NEXMIF: variants seen among roughly 807,000 people sequenced by gnomAD.
The protein encoded by NEXMIF is XLMR protein related to neurite extension.
NEXMIF carries 8 observed loss-of-function variants against 62.1 expected under a neutral mutation model. The ratio of observed to expected loss-of-function variants is 0.13; its 90% confidence interval spans 0.08 to 0.23. NEXMIF has a LOEUF of 0.23. Among genes scored for constraint, NEXMIF ranks in the 10% least tolerant of loss-of-function variants. The pLI, the probability that NEXMIF is intolerant of heterozygous loss-of-function variation, is 1.00. For synonymous variants in NEXMIF, 404 were observed against 416.6 expected (o/e 0.97, Z 0.37); for missense variants, 976 against 1,113.3 (o/e 0.88, Z 1.75).
chrX:74,745,111 A>G (rs191121105), intron 2 of NEXMIF, among the ~76,000 whole-genome samples: 1,494 of 109,843 alleles, frequency 0.014, 16 homozygotes, highest in Middle Eastern at 0.028. Context: ...CCTCCCGAGT[A>G]GCTGGGATTA....
chrX:74,893,901 T>C (rs944416917), intron 1 of NEXMIF, among the ~76,000 whole-genome samples: 4 of 111,936 alleles, frequency 3.6e-5, no homozygotes, highest in Non-Finnish European at 5.6e-5. Flanking sequence ...TGAATAATCC[T>C]TTTGTGGGTG....
At chrX:74,876,570 T>G (rs1228358410) in intron 1 of NEXMIF, among the ~76,000 whole-genome samples, 2 of 104,563 alleles carry the variant, frequency 1.9e-5, no homozygotes, top group African/African-American at 7.0e-5. Context: ...CTCGTTGATC[T>G]GTCTAATGTT....
intron 1 of NEXMIF, among the ~76,000 whole-genome samples, chrX:74,791,834 C>T (rs1380286350): frequency 9.0e-6 from 1 of 110,845 alleles, no homozygotes; most frequent in Non-Finnish European, 1.9e-5. Context: ...TCCCCTTTAT[C>T]ATTTTTTATT....
intron 2 of NEXMIF, among the ~76,000 whole-genome samples, chrX:74,745,208 C>T (rs1294764817): frequency 1.8e-5 from 2 of 110,641 alleles, no homozygotes; most frequent in Non-Finnish European, 3.8e-5. Context: ...GTCTCGAACT[C>T]CTGACCTCAA....
chrX:74,749,190 A>G (rs1489706263), intron 1 of NEXMIF, among the ~76,000 whole-genome samples: 1 of 111,062 alleles, frequency 9.0e-6, no homozygotes, highest in East Asian at 2.8e-4. Flanking sequence ...AATTCTAGAG[A>G]GGCGGGAGAT....
chrX:74,802,396 G>A (rs1734605220), intron 1 of NEXMIF, among the ~76,000 whole-genome samples: 1 of 111,093 alleles, frequency 9.0e-6, no homozygotes, highest in South Asian at 3.8e-4. Context: ...AGAAAGTAAG[G>A]GAAGAGAACA....
chrX:74,739,160 T>C lies in NEXMIF; in HGVS notation c.*245A>G, dbSNP rs1431904509. ...ATACAACCAAATGTTGATATAGAAG[T>C]AAAAATATATACAGTACAGTCACTT... On this transcript the variant is annotated 3_prime_UTR_variant, in exon 4 of 4. Transcript: ENST00000055682. The C allele has an allele frequency of 4.7e-5, 11 of 233,890 alleles. No homozygotes were observed. Among genetic ancestry groups the C allele is most frequent in the Non-Finnish European group, 7.5e-5 (10 of 133,079 alleles). The allele number at this position is 233,890 out of a possible 1,213,427, so 19.3% of individuals were successfully genotyped here. A position where few individuals can be genotyped will look rare whatever the true frequency, so the allele number is the denominator to read the frequency against.
chrX:74,832,444 A>G (rs140685191), intron 1 of NEXMIF, among the ~76,000 whole-genome samples: 293 of 111,329 alleles, frequency 2.6e-3, no homozygotes, highest in Non-Finnish European at 4.4e-3. Flanking sequence ...TATCAGTTAT[A>G]TGTCTCCATT....
intron 1 of NEXMIF, among the ~76,000 whole-genome samples, chrX:74,829,839 T>A (rs951624607): frequency 5.3e-5 from 6 of 112,184 alleles, no homozygotes; most frequent in Non-Finnish European, 5.6e-5. Flanking sequence ...GTTTGCCATT[T>A]ATATTTCTTC....
At chrX:74,909,321 G>C (rs1182212996) in intron 1 of NEXMIF, among the ~76,000 whole-genome samples, 1 of 111,890 alleles carries the variant, frequency 8.9e-6, no homozygotes, top group Non-Finnish European at 1.9e-5. Flanking sequence ...TGAGGAACTT[G>C]TTAGGAACTG....
chrX:74,785,512 C>G (rs2080258029), intron 1 of NEXMIF, among the ~76,000 whole-genome samples: 2 of 111,308 alleles, frequency 1.8e-5, no homozygotes. Context: ...TTCAAGTTAT[C>G]TCCACTCATT....
intron 1 of NEXMIF, among the ~76,000 whole-genome samples, chrX:74,859,453 C>A (rs1350075038): frequency 9.0e-6 from 1 of 111,429 alleles, no homozygotes; most frequent in Non-Finnish European, 1.9e-5. Context: ...CTTTCCCACA[C>A]AAACAAAAGC....
At chrX:74,918,062 G>A (rs753449658) in intron 1 of NEXMIF, among the ~76,000 whole-genome samples, 208 of 111,496 alleles carry the variant, frequency 1.9e-3, no homozygotes, top group African/African-American at 6.2e-3. Flanking sequence ...CTAATAACAT[G>A]TTTTTTGAGA....
intron 1 of NEXMIF, among the ~76,000 whole-genome samples, chrX:74,921,083 A>T (rs972184975): frequency 4.5e-5 from 5 of 111,860 alleles, no homozygotes; most frequent in African/African-American, 1.6e-4. Context: ...TGTACATAGT[A>T]TTAATAGTTG....
rs781617655 is a variant in NEXMIF at position 74,875,497 on chromosome X, C to T, written c.-48+49386G>A. ...CTGCCAGGCTTTGGTATCAGGATGA[C>T]GCTGGCCTCATAAAATGAGTTAGGG... On this transcript the variant is annotated intron_variant, in intron 1 of 3. Coordinates refer to ENST00000055682, the MANE Select transcript of NEXMIF (RefSeq NM_001008537.3). 3.9e-4 allele frequency among the ~76,000 whole-genome samples: 43 copies of T among 111,595 alleles called. 1 individual carries two copies. Among genetic ancestry groups the T allele is most frequent in the Middle Eastern group, 4.7e-3 (1 of 213 alleles).
chrX:74,900,710 C>A (rs1387304934), intron 1 of NEXMIF, among the ~76,000 whole-genome samples: 2 of 111,455 alleles, frequency 1.8e-5, no homozygotes, highest in Non-Finnish European at 3.8e-5. Flanking sequence ...GATATTTGTA[C>A]ACCCATTGTC....
At chrX:74,882,759 A>C (rs2080671100) in intron 1 of NEXMIF, among the ~76,000 whole-genome samples, 1 of 112,446 alleles carries the variant, frequency 8.9e-6, no homozygotes. Context: ...TAACCTCTGC[A>C]GACTTAAATG....
At chrX:74,828,701 AT>A (rs886173765) in intron 1 of NEXMIF, among the ~76,000 whole-genome samples, 4 of 112,330 alleles carry the variant, frequency 3.6e-5, no homozygotes, top group African/African-American at 1.3e-4. Flanking sequence ...GAAACAACAA[AT>A]TAAGTTGAAA....
intron 1 of NEXMIF, among the ~76,000 whole-genome samples, chrX:74,820,187 G>T (rs970451958): frequency 1.8e-4 from 20 of 110,098 alleles, no homozygotes; most frequent in Non-Finnish European, 3.4e-4. Flanking sequence ...GGGCCTGTTG[G>T]GGGGTGAGGG....
Sources: allele counts gnomAD v4.1 joint callset (sites outside exome capture counted in the v4.1 genomes callset), GRCh38; gene constraint gnomAD v4.1.1; transcripts MANE v1.5; gene names NCBI Gene and HGNC (gene_info 2026-07-23, HGNC 2026-07-21).